The following NTNG1 variants were observed in gnomAD, a reference collection of about 807,000 sequenced individuals.
NTNG1 encodes netrin-G1.
In NTNG1, 16 loss-of-function variants were observed where a neutral mutation model predicts 54.0. The ratio of observed to expected loss-of-function variants is 0.30; its 90% CI spans 0.20 to 0.45. The LOEUF (loss-of-function observed/expected upper bound fraction) is 0.45. Ranked by LOEUF, NTNG1 falls within the 20% of genes least tolerant of loss-of-function variation. The pLI is 1.00. For synonymous variants in NTNG1, 255 were observed against 263.1 expected, an observed-to-expected ratio of 0.97 and a Z score of 0.30; for missense variants, 530 against 678.7, an observed-to-expected ratio of 0.78 and a Z score of 2.43.
At chr1:107,142,021 G>C (rs1421143377) in intron 1 of NTNG1, among the ~76,000 whole-genome samples, 2 of 152,066 alleles carry the variant, frequency 1.3e-5, no homozygotes, top group Admixed American at 1.3e-4. Flanking sequence ...CCCATGTTGT[G>C]CAGCTGGGGA....
At chr1:107,272,647 C>G (rs1004094017) in intron 2 of NTNG1, among the ~76,000 whole-genome samples, 11 of 152,102 alleles carry the variant, frequency 7.2e-5, no homozygotes, top group Admixed American at 2.0e-4. Flanking sequence ...CCGTCAACCC[C>G]CAGAAGGAAC....
chr1:107,167,466 C>T (rs1263302948), intron 2 of NTNG1, among the ~76,000 whole-genome samples: 3 of 151,356 alleles, frequency 2.0e-5, no homozygotes, highest in Non-Finnish European at 4.4e-5. Flanking sequence ...ATTATTAGTA[C>T]AAATATAAAA....
chr1:107,150,570 T>C (rs1654487124), intron 2 of NTNG1, among the ~76,000 whole-genome samples: 1 of 152,216 alleles, frequency 6.6e-6, no homozygotes, highest in African/African-American at 2.4e-5. Context: ...TGTTTAATAA[T>C]TTACAGATCT....
chr1:107,469,097 CAAAAAA>C (rs35394442), intron 7 of NTNG1, among the ~76,000 whole-genome samples: 2 of 115,640 alleles, frequency 1.7e-5, no homozygotes, highest in Admixed American at 8.9e-5. Context: ...AACTCCATTT[CAAAAAA>C]AAAAAAAAAA....
At chr1:107,336,337 G>A (rs944578641) in intron 3 of NTNG1, among the ~76,000 whole-genome samples, 11 of 151,526 alleles carry the variant, frequency 7.3e-5, no homozygotes, top group Non-Finnish European at 1.0e-4. Flanking sequence ...TTTCAACAAC[G>A]TTGCCAAGAC....
At chr1:107,471,572 C>A (rs1251610770) in intron 7 of NTNG1, among the ~76,000 whole-genome samples, 1 of 152,166 alleles carries the variant, frequency 6.6e-6, no homozygotes, top group Non-Finnish European at 1.5e-5. Flanking sequence ...CTGATTGATA[C>A]AGGAGAGTGC....
At chr1:107,187,641 G>A (rs1657566484) in intron 2 of NTNG1, among the ~76,000 whole-genome samples, 1 of 152,184 alleles carries the variant, frequency 6.6e-6, no homozygotes, top group Non-Finnish European at 1.5e-5. Context: ...GAGCACAGCT[G>A]TTATCAGAGC....
intron 3 of NTNG1, among the ~76,000 whole-genome samples, chr1:107,380,618 A>G (rs1250050029): frequency 6.6e-6 from 1 of 152,216 alleles, no homozygotes; most frequent in Non-Finnish European, 1.5e-5. Flanking sequence ...TACTATTGTT[A>G]TTATTATTTC....
At chr1:107,140,687 G>A (rs1287552726), upstream of NTNG1, 1 of 150,842 alleles carries the variant, frequency 6.6e-6, no homozygotes, top group African/African-American at 2.4e-5. Context: ...TGAAAGCGGT[G>A]CCAAGCGGCA....
chr1:107,339,590 T>C (rs1668784375), intron 3 of NTNG1, among the ~76,000 whole-genome samples: 1 of 152,042 alleles, frequency 6.6e-6, no homozygotes, highest in African/African-American at 2.4e-5. Context: ...GTTTGTGGAC[T>C]AAGAAAGAAA....
intron 2 of NTNG1, among the ~76,000 whole-genome samples, chr1:107,175,488 C>G (rs1656577286): frequency 6.6e-6 from 1 of 152,098 alleles, no homozygotes; most frequent in South Asian, 2.1e-4. Flanking sequence ...TATAATATAT[C>G]CTTCAGCTCT....
At chr1:107,409,371 T>C (rs760381637) in intron 5 of NTNG1, 4 of 152,294 alleles carry the variant, frequency 2.6e-5, no homozygotes, top group Non-Finnish European at 5.9e-5. Flanking sequence ...TTCTTTGGCG[T>C]TGGGGTGTCT....
chr1:107,339,297 A>G (rs1668769843), intron 3 of NTNG1, among the ~76,000 whole-genome samples: 1 of 152,064 alleles, frequency 6.6e-6, no homozygotes, highest in Non-Finnish European at 1.5e-5. Flanking sequence ...TCTGTGTTCC[A>G]GGGTGACCCA....
At chr1:107,350,347 T>C (rs969942062) in intron 3 of NTNG1, among the ~76,000 whole-genome samples, 2 of 152,222 alleles carry the variant, frequency 1.3e-5, no homozygotes, top group Admixed American at 1.3e-4. Flanking sequence ...CTCTTTATGG[T>C]GACTTTTGAT....
At chr1:107,277,512 T>G (rs1570566553) in intron 2 of NTNG1, among the ~76,000 whole-genome samples, 1 of 152,212 alleles carries the variant, frequency 6.6e-6, no homozygotes, top group Non-Finnish European at 1.5e-5. Flanking sequence ...CTAGGTAAGC[T>G]TCAATTGTTA....
chr1:107,250,430 G>A (rs1035120020), intron 2 of NTNG1, among the ~76,000 whole-genome samples: 1 of 151,452 alleles, frequency 6.6e-6, no homozygotes. Flanking sequence ...ATGCTCTCAA[G>A]AAAGACAGCT....
intron 2 of NTNG1, among the ~76,000 whole-genome samples, chr1:107,165,173 A>G (rs1253908507): frequency 2.0e-5 from 3 of 152,124 alleles, no homozygotes; most frequent in African/African-American, 7.2e-5. Flanking sequence ...TGAACTACTG[A>G]TTAGAACTAG....
intron 5 of NTNG1, among the ~76,000 whole-genome samples, chr1:107,429,899 TG>T (rs1352948001): frequency 2.6e-5 from 4 of 152,148 alleles, no homozygotes; most frequent in Non-Finnish European, 4.4e-5. Flanking sequence ...ACTACTCTCA[TG>T]CTCTTCTTCA....
intron 2 of NTNG1, among the ~76,000 whole-genome samples, chr1:107,309,694 G>A (rs939648993): frequency 1.3e-5 from 2 of 152,094 alleles, no homozygotes; most frequent in Admixed American, 6.6e-5. Context: ...GTTTTCTCTA[G>A]AAAGGATTCT....
Sources: gnomAD v4.1 joint callset for allele counts (sites outside exome capture counted in the v4.1 genomes callset) on GRCh38, gnomAD v4.1.1 for gene constraint, MANE v1.5 for transcripts, NCBI Gene and HGNC (gene_info 2026-07-23, HGNC 2026-07-21) for gene names.